CAPN1: variants seen among roughly 807,000 people sequenced by gnomAD.
The protein encoded by CAPN1 is calpain 1.
A neutral mutation model predicts 105.2 loss-of-function variants in CAPN1; 77 were observed. The ratio of observed to expected loss-of-function variants is 0.73; its 90% CI spans 0.61 to 0.88. The LOEUF is 0.88. CAPN1 is among the 40% of genes least tolerant of loss of function. The pLI is 0.00. For missense variants in CAPN1, 833 were observed against 976.6 expected (o/e 0.85, Z 1.96); for synonymous variants, 355 against 388.8 (o/e 0.91, Z 1.02).
intron 1 of CAPN1, 23 bp from the exon 2 acceptor site, chr11:65,182,678 G>C: frequency 1.3e-6 from 2 of 1,516,598 alleles, no homozygotes; most frequent in Middle Eastern, 2.1e-4. Context: ...CCTGGGTTCT[G>C]AGCAGGCCCA....
chr11:65,192,096 A>ATG (rs1469506520), intron 10 of CAPN1, among the ~76,000 whole-genome samples: 1 of 152,154 alleles, frequency 6.6e-6, no homozygotes, highest in Non-Finnish European at 1.5e-5. Context: ...TTAGCCTGGT[A>ATG]TGGTGGCACA....
chr11:65,182,368 T>A (rs910998313), intron 1 of CAPN1: 2 of 272,026 alleles, frequency 7.4e-6, no homozygotes, highest in Non-Finnish European at 1.4e-5. Flanking sequence ...TTCCCTGCTG[T>A]GTCCCACCTG....
intron 4 of CAPN1, among the ~76,000 whole-genome samples, chr11:65,185,474 C>T (rs933191294): frequency 6.6e-6 from 1 of 151,930 alleles, no homozygotes; most frequent in African/African-American, 2.4e-5. Flanking sequence ...TTAGAGAAAG[C>T]CTGGCTACAT....
Position 65,186,048 on chromosome 11 carries a change from C to G in CAPN1, c.588C>G (p.Ala196=), listed in dbSNP as rs1170427400. ...FWSALLEKAY[A]KVNGSYEALS... ...GCGCCCTGCTTGAGAAGGCCTATGC[C>G]AAGTGAGTAGCGGCTGAGGGGGCAA... The change falls in exon 5 of 22, where the codon GCC becomes GCG. Residue 196 remains alanine, a splice_region_variant and synonymous_variant. Transcript: ENST00000279247. The G allele has an allele frequency of 6.2e-7, 1 of 1,611,572 alleles. No homozygotes were observed. The highest frequency in any genetic ancestry group is 8.5e-7 in the Non-Finnish European group (1 of 1,178,820).
chr11:65,206,880 T>G (rs1346146624), intron 14 of CAPN1, 61 bp downstream of exon 14: 39 of 1,514,570 alleles, frequency 2.6e-5, no homozygotes, highest in Non-Finnish European at 3.3e-5. Flanking sequence ...GGGTGTGTGA[T>G]GGGGACCCAG....
Position 65,188,474 on chromosome 11 carries a change from G to A in CAPN1, c.990G>A (p.Glu330=). ...YERDQLRVKM[E]DGEFWMSFRD... ...GGGACCAGCTCCGGGTCAAGATGGA[G>A]GACGGGGAGTTCTGGTGAGCGCCCC... The change falls in exon 9 of 22, where the codon GAG becomes GAA. Residue 330 remains glutamate (E), a synonymous_variant. Transcript: ENST00000279247. This position sits in a 1 kb window ranked among gnomAD's most constrained non-coding sequence, Gnocchi z 5.5. 1 of 1,613,206 alleles carries A rather than the reference G, an allele frequency of 6.2e-7. No homozygotes were observed. Among genetic ancestry groups the A allele is most frequent in the Non-Finnish European group, 8.5e-7 (1 of 1,179,536 alleles).
Position 65,204,685 on chromosome 11 carries a change from A to G in CAPN1, c.1168A>G (p.Thr390Ala). ...TAGGCRNYPA[T>A]FWVNPQFKIR... ...CCCGCCTCCTCACCTGCCCGCAGCC[A>G]CCTTCTGGGTGAACCCTCAGTTCAA... The change falls in exon 11 of 22, where the codon ACC (threonine) becomes GCC (alanine). Residue 390 changes from threonine (T) to alanine (A), a missense_variant and splice_region_variant. Thr to Ala is a moderately conservative substitution (Grantham distance 58). Coordinates refer to ENST00000279247, the MANE Select transcript of CAPN1 (RefSeq NM_005186.4). The G allele has an allele frequency of 1.9e-6, 3 of 1,606,818 alleles. No individual in the cohort carries two copies. Among genetic ancestry groups the G allele is most frequent in the Non-Finnish European group, 2.6e-6 (3 of 1,174,640 alleles).
chr11:65,206,822 G>A lies in CAPN1; in HGVS notation c.1605+3G>A, dbSNP rs765404683. ...TCCAGGCCAATCTCCCCGATGAGGT[G>A]CGTGGTCCCACCCCACCAGGCCCCG... On this transcript the variant is annotated splice_donor_region_variant and intron_variant, in intron 14 of 21. Coordinates refer to ENST00000279247, the MANE Select transcript of CAPN1 (RefSeq NM_005186.4). The A allele has an allele frequency of 6.2e-6, 10 of 1,611,310 alleles. No individual in the cohort carries two copies. Among genetic ancestry groups the A allele is most frequent in the East Asian group, 2.2e-5 (1 of 44,752 alleles).
chr11:65,205,076 G>C (rs1948935718), intron 11 of CAPN1, among the ~76,000 whole-genome samples: 1 of 152,238 alleles, frequency 6.6e-6, no homozygotes, highest in Non-Finnish European at 1.5e-5. Context: ...AAGGGGGTTG[G>C]CTCAGGGAAG....
chr11:65,204,850 G>T lies in CAPN1; in HGVS notation c.1333G>T (p.Val445Phe). The change falls in exon 11 of 22, where the codon GTC (valine) becomes TTC (phenylalanine). Residue 445 changes from valine to phenylalanine, a missense_variant. Physicochemically the swap from Val to Phe is conservative, Grantham distance 50. Transcript: ENST00000279247. ...CGACATGGAGACTATTGGCTTCGCGGTCTACGAGGTCAGGAGGGTGGATCA... is the reference window on the plus strand; with the variant it reads ...CGACATGGAGACTATTGGCTTCGCGTTCTACGAGGTCAGGAGGGTGGATCA... The part of the protein sequence containing the change: ...GRDMETIGFA[V>F]YEVPPELVGQ... The T allele has an allele frequency of 1.9e-6, 3 of 1,607,286 alleles. No homozygotes were observed. The highest frequency in any genetic ancestry group is 2.6e-6 in the Non-Finnish European group (3 of 1,175,738).
At chr11:65,198,583 A>G (rs1197199941) in intron 10 of CAPN1, among the ~76,000 whole-genome samples, 1 of 152,146 alleles carries the variant, frequency 6.6e-6, no homozygotes, top group Non-Finnish European at 1.5e-5. Flanking sequence ...GCCATAATTT[A>G]AACATCATCA....
rs764490649 is a variant in CAPN1, at chr11:65,206,464, T to G, written c.1355T>G (p.Leu452Arg). The G allele has an allele frequency of 1.2e-6, 2 of 1,612,582 alleles. No individual in the cohort carries two copies. The highest frequency in any genetic ancestry group is 1.7e-6 in the Non-Finnish European group (2 of 1,179,694). The change falls in exon 13 of 22, where the codon CTG becomes CGG. Residue 452 changes from leucine to arginine, a missense_variant and splice_region_variant. Coordinates refer to ENST00000279247, the MANE Select transcript of CAPN1 (RefSeq NM_005186.4). ...GFAVYEVPPE[L>R]VGQPAVHLKR... ...CTGCTCCCTCCTCCCTCCCACCAGC[T>G]GGTGGGCCAGCCGGCCGTACACTTG...
intron 1 of CAPN1, chr11:65,182,378 G>A (rs1948550993): frequency 6.6e-6 from 2 of 302,472 alleles, no homozygotes; most frequent in Non-Finnish European, 1.2e-5. Context: ...TGTCCCACCT[G>A]CCCAGTTCCT....
In CAPN1 at chr11:65,183,126, A is replaced by G. The variant is rs770916952; in HGVS notation, c.268-2A>G. Reference sequence around the variant, plus strand: ...AGGAACAGGACTCTGGGTCTCTCGTAGGAACTGCTGTCAAACCCCCAGTTC... The same window carrying G: ...AGGAACAGGACTCTGGGTCTCTCGTGGGAACTGCTGTCAAACCCCCAGTTC... On this transcript the variant is annotated splice_acceptor_variant, in intron 2 of 21. Coordinates refer to ENST00000279247, the MANE Select transcript of CAPN1 (RefSeq NM_005186.4). LOFTEE classifies it high-confidence loss of function. The G allele has an allele frequency of 5.0e-6, 8 of 1,613,760 alleles. No homozygotes were observed. The highest frequency in any genetic ancestry group is 6.8e-6 in the Non-Finnish European group (8 of 1,179,828).
At chr11:65,205,952 CCT>C in intron 12 of CAPN1, 1 of 579,970 alleles carries the variant, frequency 1.7e-6, no homozygotes, top group Non-Finnish European at 3.1e-6. Flanking sequence ...CCTCAGAGCC[CCT>C]GTCTGACATG....
At chr11:65,191,465 G>C (rs1306180298) in intron 10 of CAPN1, among the ~76,000 whole-genome samples, 1 of 152,110 alleles carries the variant, frequency 6.6e-6, no homozygotes, top group Non-Finnish European at 1.5e-5. Flanking sequence ...TACAACTTCT[G>C]CTTCCCTGGT....
intron 10 of CAPN1, among the ~76,000 whole-genome samples, chr11:65,201,169 C>T (rs535193549): frequency 1.3e-5 from 2 of 151,784 alleles, no homozygotes; most frequent in Non-Finnish European, 2.9e-5. Flanking sequence ...TGGTCTTGAT[C>T]TCCTGACCTC....
chr11:65,194,639 A>AC (rs1948766746), intron 10 of CAPN1, among the ~76,000 whole-genome samples: 1 of 151,666 alleles, frequency 6.6e-6, no homozygotes, highest in Non-Finnish European at 1.5e-5. Context: ...CTATAAATTT[A>AC]CCTATTCTGG....
intron 10 of CAPN1, among the ~76,000 whole-genome samples, chr11:65,204,124 C>T (rs1948913638): frequency 6.6e-6 from 1 of 152,194 alleles, no homozygotes; most frequent in East Asian, 1.9e-4. Flanking sequence ...CCACGCAGCA[C>T]TCGAGCCACC....
Sources: allele counts gnomAD v4.1 joint callset (sites outside exome capture counted in the v4.1 genomes callset), GRCh38; gene constraint gnomAD v4.1.1; non-coding constraint Gnocchi (gnomAD v3.1); transcripts MANE v1.5; gene names NCBI Gene and HGNC (gene_info 2026-07-23, HGNC 2026-07-21).